MRPL44: variants seen among roughly 807,000 people sequenced by gnomAD.
MRPL44 encodes mitochondrial ribosomal protein L44.
In MRPL44, 21 loss-of-function variants were observed where a neutral mutation model predicts 25.9. The observed-to-expected ratio is 0.81, with a 90% CI of 0.58 to 1.17. The LOEUF (loss-of-function observed/expected upper bound fraction) is 1.17. Among genes scored for constraint, MRPL44 ranks in the 50% most tolerant of loss-of-function variants. The pLI, the probability that MRPL44 is intolerant of heterozygous loss-of-function variation, is 0.00. For missense variants in MRPL44, 410 were observed against 398.9 expected (o/e 1.03, Z -0.24); for synonymous variants, 169 against 151.0 (o/e 1.12, Z -0.87).
chr2:223,957,392 T>G, upstream of MRPL44: 1 of 1,563,722 alleles, frequency 6.4e-7, no homozygotes, highest in Non-Finnish European at 8.8e-7. Flanking sequence ...GCGTTCCGCG[T>G]TCCGGGTTCC....
At position 223,959,861 on chromosome 2, in the gene MRPL44, G is replaced by C; in HGVS notation, c.507G>C (p.Val169=). Residue 169 remains valine, a synonymous_variant, in exon 2 of 4, where the codon GTG becomes GTC. Coordinates refer to ENST00000258383, the MANE Select transcript of MRPL44 (RefSeq NM_022915.5). ...CTGGTGAGGAAGTCGTGTGTCACGT[G>C]GCTAGAAACTTGGCTGTGGAGCAGT... is the stretch of plus-strand genomic sequence containing the variant. ...FLTGEEVVCH[V]ARNLAVEQLT... 6.2e-7 allele frequency: 1 copy of C among 1,614,154 alleles called. No individual in the cohort carries two copies. Among genetic ancestry groups the C allele is most frequent in the South Asian group, 1.1e-5 (1 of 91,088 alleles).
upstream of MRPL44, among the ~76,000 whole-genome samples, chr2:223,955,831 G>T (rs779349837): frequency 2.0e-5 from 3 of 152,156 alleles, no homozygotes; most frequent in Non-Finnish European, 4.4e-5. Flanking sequence ...CTGGAACCAA[G>T]TCCTCCTCCT....
intron 3 of MRPL44, 78 bp from the exon 4 acceptor site, chr2:223,966,785 T>C: frequency 1.6e-6 from 2 of 1,272,570 alleles, no homozygotes; most frequent in Non-Finnish European, 2.2e-6. Context: ...GTAGAAGGCA[T>C]AATTGCTTTA....
the MRPL44 span, among the ~76,000 whole-genome samples, chr2:223,951,478 G>GTTTTTTTTTGTTTTTTT: frequency 1.8e-5 from 2 of 112,560 alleles, no homozygotes; most frequent in Non-Finnish European, 3.6e-5. Context: ...TTACCTTGGA[G>GTTTTTTTTTGTTTTTTT]TTTTTTTTTT....
chr2:223,961,359 G>A (rs1019724515), intron 2 of MRPL44, among the ~76,000 whole-genome samples: 10 of 152,202 alleles, frequency 6.6e-5, no homozygotes, highest in African/African-American at 1.9e-4. Flanking sequence ...ATCATATTGC[G>A]TTTGGCAAAG....
upstream of MRPL44, among the ~76,000 whole-genome samples, chr2:223,953,017 A>T (rs1490747069): frequency 6.6e-6 from 1 of 152,236 alleles, no homozygotes; most frequent in Non-Finnish European, 1.5e-5. Flanking sequence ...TGTAAATTAT[A>T]AGGCAATATT....
In MRPL44 at chr2:223,959,442, A is replaced by G. The variant is rs548353195; in HGVS notation, c.180-92A>G. 2.0e-4 allele frequency: 191 copies of G among 965,816 alleles called. No individual in the cohort carries two copies. In the African/African-American group the frequency reaches 2.7e-3, roughly 14 times the overall value. 59.8% of individuals were successfully genotyped at this position (965,816 alleles called of 1,614,324 possible). A position where few individuals can be genotyped will look rare whatever the true frequency, so the allele number is the denominator to read the frequency against. ...TATAACCTTCTTTCATTTCCTTTAT[A>G]TAATTAATAACATTACAACACAGTG... On this transcript the variant is annotated intron_variant, in intron 1 of 3. Coordinates refer to ENST00000258383, the MANE Select transcript of MRPL44 (RefSeq NM_022915.5).
intron 1 of MRPL44, among the ~76,000 whole-genome samples, chr2:223,958,641 A>G (rs918105919): frequency 1.1e-4 from 16 of 152,148 alleles, no homozygotes; most frequent in African/African-American, 3.4e-4. Context: ...TTTGTTTCTT[A>G]AAGGGGTTTT....
At chr2:223,960,987 A>T (rs1224103968) in intron 2 of MRPL44, among the ~76,000 whole-genome samples, 3 of 152,236 alleles carry the variant, frequency 2.0e-5, no homozygotes, top group Non-Finnish European at 4.4e-5. Flanking sequence ...ATCTGTGTCT[A>T]AGTTGAGCTT....
chr2:223,951,487 T>TTG, the MRPL44 span, among the ~76,000 whole-genome samples: 1 of 139,456 alleles, frequency 7.2e-6, no homozygotes, highest in African/African-American at 2.6e-5. Context: ...AGTTTTTTTT[T>TTG]TTTTTTTTTT....
intron 3 of MRPL44, among the ~76,000 whole-genome samples, chr2:223,964,943 A>T (rs1014336481): frequency 1.3e-5 from 2 of 152,198 alleles, no homozygotes; most frequent in Non-Finnish European, 2.9e-5. Flanking sequence ...ACAAGAGGGA[A>T]ATGATACGTA....
At chr2:223,952,168 C>T in the MRPL44 span, among the ~76,000 whole-genome samples, 1 of 152,184 alleles carries the variant, frequency 6.6e-6, no homozygotes, top group African/African-American at 2.4e-5. Flanking sequence ...AACCGACTTG[C>T]TTCCTGATAA....
chr2:223,959,901 G>GAATTCCCAGT lies in MRPL44; in HGVS notation c.548_557dup (p.Pro187IlefsTer26). 6.2e-7 allele frequency: 1 copy of GAATTCCCAGT among 1,614,194 alleles called. No individual in the cohort carries two copies. Among genetic ancestry groups the GAATTCCCAGT allele is most frequent in the Non-Finnish European group, 8.5e-7 (1 of 1,180,028 alleles). On this transcript the variant is annotated frameshift_variant, in exon 2 of 4. Coordinates refer to ENST00000258383, the MANE Select transcript of MRPL44 (RefSeq NM_022915.5). LOFTEE classifies it high-confidence loss of function. ...TGTGGAGCAGTTAACACTGAGTGAA[G>GAATTCCCAGT]AATTCCCAGTGCCCCCAGCTGTGTT...
intron 2 of MRPL44, among the ~76,000 whole-genome samples, chr2:223,961,591 C>T (rs879637898): frequency 1.4e-4 from 22 of 152,178 alleles, no homozygotes; most frequent in Admixed American, 1.2e-3. Context: ...GAAATTAGAA[C>T]GGCACTCTTA....
In MRPL44 at chr2:223,963,786, G is replaced by A; in HGVS notation, c.679G>A (p.Glu227Lys). The A allele has an allele frequency of 1.2e-6, 2 of 1,609,370 alleles. No homozygotes were observed. Among genetic ancestry groups the A allele is most frequent in the Non-Finnish European group, 1.7e-6 (2 of 1,178,238 alleles). ...DFLITQMTGK[E>K]LFEMWKIINP... ...CTTAATTACTCAAATGACTGGAAAAGAGCTCTTTGAGATGTGGAAGATAAT... is the reference window on the plus strand; with the variant it reads ...CTTAATTACTCAAATGACTGGAAAAAAGCTCTTTGAGATGTGGAAGATAAT... Residue 227 changes from glutamate (E) to lysine (K), a missense_variant, in exon 3 of 4, where the codon GAG becomes AAG. Physicochemically the swap from Glu to Lys is moderately conservative, Grantham distance 56 (BLOSUM62 1). Transcript: ENST00000258383.
chr2:223,960,398 A>C (rs906525032), intron 2 of MRPL44, among the ~76,000 whole-genome samples: 2 of 152,232 alleles, frequency 1.3e-5, no homozygotes, highest in South Asian at 4.1e-4. Context: ...GTTGGATTTC[A>C]AGTCCCTCTA....
intron 3 of MRPL44, chr2:223,965,826 T>C (rs925339480): frequency 1.3e-5 from 2 of 152,144 alleles, no homozygotes; most frequent in African/African-American, 4.8e-5. Context: ...GTTTTGAAGC[T>C]CTTTTTTTTT....
chr2:223,959,761 G>A lies in MRPL44; in HGVS notation c.407G>A (p.Cys136Tyr). 6.2e-7 allele frequency: 1 copy of A among 1,614,186 alleles called. No individual in the cohort carries two copies. The highest frequency in any genetic ancestry group is 8.5e-7 in the Non-Finnish European group (1 of 1,180,046). The change falls in exon 2 of 4, where the codon TGC (cysteine) becomes TAC (tyrosine). Residue 136 changes from cysteine to tyrosine, a missense_variant. Cys to Tyr is a radical substitution (Grantham distance 194, BLOSUM62 -2). Coordinates refer to ENST00000258383, the MANE Select transcript of MRPL44 (RefSeq NM_022915.5). ...SEQGTSFSQT[C>Y]LTQFLEDEYP... Reference sequence around the variant, plus strand: ...CAAGGGACATCTTTTTCACAGACTTGCCTTACACAGTTTCTTGAAGACGAG... The same window carrying A: ...CAAGGGACATCTTTTTCACAGACTTACCTTACACAGTTTCTTGAAGACGAG...
chr2:223,965,614 C>T (rs1574796810), intron 3 of MRPL44: 2 of 152,136 alleles, frequency 1.3e-5, no homozygotes, highest in East Asian at 3.8e-4. Flanking sequence ...TGTGCACATT[C>T]TACATTCTTT....
Sources: allele counts gnomAD v4.1 joint callset (sites outside exome capture counted in the v4.1 genomes callset), GRCh38; gene constraint gnomAD v4.1.1; transcripts MANE v1.5; gene names NCBI Gene and HGNC (gene_info 2026-07-23, HGNC 2026-07-21).